EPHA6: variants seen among roughly 807,000 people sequenced by gnomAD.
The protein encoded by EPHA6 is ephrin type-A receptor 6.
In EPHA6, 50 loss-of-function variants were observed where a neutral mutation model predicts 112.0. The ratio of observed to expected loss-of-function variants is 0.45; its 90% CI spans 0.36 to 0.56. The LOEUF (loss-of-function observed/expected upper bound fraction) is 0.56. Among genes scored for constraint, EPHA6 ranks in the 20% least tolerant of loss-of-function variants. EPHA6 has a pLI of 0.00. For synonymous variants in EPHA6, 529 were observed against 490.7 expected, an observed-to-expected ratio of 1.08 and a Z score of -1.03; for missense variants, 1,280 against 1,417.4, an observed-to-expected ratio of 0.90 and a Z score of 1.56.
At chr3:97,047,902 A>G (rs1051421292) in intron 3 of EPHA6, among the ~76,000 whole-genome samples, 2 of 152,152 alleles carry the variant, frequency 1.3e-5, no homozygotes, top group Admixed American at 1.3e-4. Flanking sequence ...GTCATTCACA[A>G]TGGCATTATT....
intron 5 of EPHA6, among the ~76,000 whole-genome samples, chr3:97,273,584 C>T (rs536620483): frequency 5.9e-5 from 9 of 152,246 alleles, no homozygotes; most frequent in African/African-American, 1.9e-4. Flanking sequence ...GAGTATTGTC[C>T]ATTCCTTTTT....
At chr3:96,866,942 C>T (rs566939886) in intron 2 of EPHA6, 53 bp downstream of exon 2, 2 of 1,049,364 alleles carry the variant, frequency 1.9e-6, no homozygotes, top group East Asian at 3.0e-5. Flanking sequence ...TTAAGATCTC[C>T]TAATAGTTGA....
chr3:97,593,016 T>C (rs1229621733), intron 12 of EPHA6, among the ~76,000 whole-genome samples: 3 of 152,176 alleles, frequency 2.0e-5, no homozygotes, highest in African/African-American at 7.2e-5. Context: ...ATCCAAAATA[T>C]GTAACTCAAG....
At chr3:97,391,686 TG>T (rs2086408579) in intron 5 of EPHA6, among the ~76,000 whole-genome samples, 2 of 151,850 alleles carry the variant, frequency 1.3e-5, no homozygotes, top group Non-Finnish European at 2.9e-5. Context: ...AGAGAGTAAA[TG>T]TTCTAGGAAT....
intron 1 of EPHA6, among the ~76,000 whole-genome samples, chr3:96,826,624 A>G (rs2033677462): frequency 6.6e-6 from 1 of 152,044 alleles, no homozygotes; most frequent in Middle Eastern, 3.2e-3. Context: ...ATGTCTTTCT[A>G]TTAGCTGTTC....
intron 11 of EPHA6, among the ~76,000 whole-genome samples, chr3:97,592,362 T>C (rs992487043): frequency 6.6e-6 from 1 of 152,214 alleles, no homozygotes; most frequent in African/African-American, 2.4e-5. Flanking sequence ...AAATGTAGGT[T>C]TGGAAATTGT....
intron 2 of EPHA6, among the ~76,000 whole-genome samples, chr3:96,922,034 T>TAGAG (rs112126178): frequency 4.3e-4 from 65 of 149,966 alleles, no homozygotes; most frequent in African/African-American, 9.2e-4. Flanking sequence ...CCTTAATGTC[T>TAGAG]AGAGAGAGAG....
At chr3:96,869,788 C>A (rs1272031876) in intron 2 of EPHA6, among the ~76,000 whole-genome samples, 2 of 151,884 alleles carry the variant, frequency 1.3e-5, no homozygotes, top group East Asian at 3.9e-4. Context: ...CAGTGGAGTA[C>A]CTGTTAATTA....
Position 97,592,026 on chromosome 3 carries a change from A to G in EPHA6, c.2387-586A>G, listed in dbSNP as rs2217998. ...TACAATATCCTTCTTAAAAATGAAA[A>G]AGCATGTGGTTTTACCTTTGCAAAC... is the stretch of plus-strand genomic sequence containing the variant. On this transcript the variant is annotated intron_variant, in intron 11 of 17. Transcript: ENST00000389672. Among the ~76,000 whole-genome samples the G allele has an allele frequency of 5.9e-3, 898 of 152,314 alleles. 17 individuals are homozygous for G. The highest frequency in any genetic ancestry group is 5.1e-3 in the Non-Finnish European group (345 of 68,024).
Position 97,525,414 on chromosome 3 carries a change from T to A in EPHA6, c.2201-6944T>A, listed in dbSNP as rs549217132. 2.6e-5 allele frequency among the ~76,000 whole-genome samples: 4 copies of A among 152,324 alleles called. No individual in the cohort carries two copies. In the South Asian group the frequency reaches 8.3e-4, roughly 32 times the overall value. Reference sequence around the variant, plus strand: ...TTGTTCTCCTTATTTCTTTTAGTTGTCTATCTCTATTTGTTGAATTTCTTT... The same window carrying A: ...TTGTTCTCCTTATTTCTTTTAGTTGACTATCTCTATTTGTTGAATTTCTTT... On this transcript the variant is annotated intron_variant, in intron 10 of 17. Transcript: ENST00000389672.
intron 3 of EPHA6, among the ~76,000 whole-genome samples, chr3:97,106,449 G>T (rs1445669040): frequency 1.3e-5 from 2 of 151,894 alleles, no homozygotes; most frequent in Non-Finnish European, 2.9e-5. Context: ...AATATTGGTG[G>T]GGGTGGTTGG....
intron 3 of EPHA6, among the ~76,000 whole-genome samples, chr3:97,001,218 G>A (rs573673059): frequency 6.6e-6 from 1 of 151,506 alleles, no homozygotes; most frequent in Non-Finnish European, 1.5e-5. Context: ...TAGCAACAGG[G>A]AACATTTGTG....
chr3:97,170,346 C>A (rs2076664676), intron 3 of EPHA6, among the ~76,000 whole-genome samples: 1 of 152,084 alleles, frequency 6.6e-6, no homozygotes, highest in African/African-American at 2.4e-5. Flanking sequence ...TATGAAGCTG[C>A]TTTTAATACC....
At chr3:96,889,792 A>G (rs996651962) in intron 2 of EPHA6, among the ~76,000 whole-genome samples, 2 of 152,090 alleles carry the variant, frequency 1.3e-5, no homozygotes, top group African/African-American at 4.8e-5. Flanking sequence ...TTATAATGCT[A>G]TAGTATATAC....
At chr3:97,010,660 T>G (rs1194686054) in intron 3 of EPHA6, among the ~76,000 whole-genome samples, 1 of 152,012 alleles carries the variant, frequency 6.6e-6, no homozygotes, top group Non-Finnish European at 1.5e-5. Context: ...TTATTTTTAT[T>G]TATTTATTTA....
At chr3:97,182,631 A>C (rs949409131) in intron 3 of EPHA6, among the ~76,000 whole-genome samples, 32 of 152,236 alleles carry the variant, frequency 2.1e-4, no homozygotes, top group Admixed American at 1.4e-3. Flanking sequence ...ATATCAAGAA[A>C]TCAGTCTAGT....
chr3:96,835,824 C>T (rs975196587), intron 1 of EPHA6, among the ~76,000 whole-genome samples: 1 of 151,994 alleles, frequency 6.6e-6, no homozygotes, highest in African/African-American at 2.4e-5. Flanking sequence ...GTAGTAGACC[C>T]ACATAAGTAT....
intron 5 of EPHA6, among the ~76,000 whole-genome samples, chr3:97,306,274 T>G (rs1479249583): frequency 6.7e-6 from 1 of 149,682 alleles, no homozygotes; most frequent in Non-Finnish European, 1.5e-5. Flanking sequence ...AACAATGTAA[T>G]CAACTATGTC....
intron 11 of EPHA6, among the ~76,000 whole-genome samples, chr3:97,557,833 T>A (rs182715899): frequency 1.2e-4 from 18 of 151,504 alleles, no homozygotes; most frequent in Admixed American, 6.6e-4. Context: ...TTTTAAAAAA[T>A]TTTCTTTAGG....
Sources: gnomAD v4.1 joint callset for allele counts (sites outside exome capture counted in the v4.1 genomes callset) on GRCh38, gnomAD v4.1.1 for gene constraint, MANE v1.5 for transcripts, NCBI Gene and HGNC (gene_info 2026-07-23, HGNC 2026-07-21) for gene names.